The following TMEM74 variants were observed in gnomAD, a reference collection of about 807,000 sequenced individuals.
TMEM74 encodes the protein transmembrane protein 74.
Under a neutral mutation model 18.1 loss-of-function variants are expected in TMEM74, and 13 were observed. The ratio of observed to expected loss-of-function variants is 0.72; its 90% CI spans 0.47 to 1.14. The LOEUF (loss-of-function observed/expected upper bound fraction) is 1.14, where lower values mean the gene tolerates loss of function less well. Ranked by LOEUF, TMEM74 falls within the 50% of genes most tolerant of loss-of-function variation. The pLI is 0.00. For missense variants in TMEM74, 372 were observed against 375.9 expected, an observed-to-expected ratio of 0.99 and a Z score of 0.09; for synonymous variants, 159 against 146.6, an observed-to-expected ratio of 1.08 and a Z score of -0.61.
intron 1 of TMEM74, among the ~76,000 whole-genome samples, chr8:108,682,511 G>T (rs960450829): frequency 1.3e-5 from 2 of 151,710 alleles, no homozygotes; most frequent in South Asian, 2.1e-4. Context: ...CCCTATGATG[G>T]TAGCAACCAT....
chr8:108,705,070 C>T (rs367983339), intron 1 of TMEM74, among the ~76,000 whole-genome samples: 6 of 152,272 alleles, frequency 3.9e-5, no homozygotes, highest in African/African-American at 9.6e-5. Flanking sequence ...ATGATAGCAT[C>T]GAATTTTCTT....
At chr8:108,688,796 G>C (rs1001615802) in intron 1 of TMEM74, among the ~76,000 whole-genome samples, 1 of 152,130 alleles carries the variant, frequency 6.6e-6, no homozygotes, top group Non-Finnish European at 1.5e-5. Context: ...TTTGTGGTTA[G>C]CTTCCCCTAA....
chr8:108,660,234 T>G (rs1812886726), intron 1 of TMEM74, among the ~76,000 whole-genome samples: 2 of 152,162 alleles, frequency 1.3e-5, no homozygotes, highest in Non-Finnish European at 2.9e-5. Flanking sequence ...CTCCTAAATC[T>G]TACCATTCTA....
intron 1 of TMEM74, among the ~76,000 whole-genome samples, chr8:108,748,775 G>C (rs1813876846): frequency 6.6e-6 from 1 of 151,062 alleles, no homozygotes; most frequent in Non-Finnish European, 1.5e-5. Context: ...TTTTGTATAT[G>C]GTATAAGAAA....
intron 2 of TMEM74, among the ~76,000 whole-genome samples, chr8:108,611,593 C>G (rs1812334235): frequency 6.6e-6 from 1 of 152,134 alleles, no homozygotes; most frequent in Non-Finnish European, 1.5e-5. Flanking sequence ...CAAATAAGAG[C>G]TGGTGACAGA....
intron 1 of TMEM74, among the ~76,000 whole-genome samples, chr8:108,732,260 T>C (rs767291047): frequency 1.3e-5 from 2 of 152,162 alleles, no homozygotes; most frequent in Non-Finnish European, 2.9e-5. Flanking sequence ...CCGAAGTAAA[T>C]AGAAAGAAAC....
At chr8:108,773,850 C>T (rs574890992) in intron 1 of TMEM74, among the ~76,000 whole-genome samples, 1 of 152,266 alleles carries the variant, frequency 6.6e-6, no homozygotes, top group South Asian at 2.1e-4. Context: ...TAGCCAACAG[C>T]GTGACTGAAA....
chr8:108,713,451 A>T (rs1813492349), intron 1 of TMEM74, among the ~76,000 whole-genome samples: 1 of 152,236 alleles, frequency 6.6e-6, no homozygotes, highest in South Asian at 2.1e-4. Context: ...AGATGCATTC[A>T]TTCAATACAT....
At chr8:108,672,808 A>G (rs781125547) in intron 1 of TMEM74, among the ~76,000 whole-genome samples, 2 of 152,222 alleles carry the variant, frequency 1.3e-5, no homozygotes, top group Non-Finnish European at 2.9e-5. Flanking sequence ...ATTCACAATG[A>G]TGCTATATCC....
intron 1 of TMEM74, among the ~76,000 whole-genome samples, chr8:108,698,411 G>C (rs1023240354): frequency 6.6e-5 from 10 of 152,144 alleles, no homozygotes; most frequent in South Asian, 2.1e-4. Flanking sequence ...TAAGTTACTT[G>C]AACTCTCTAG....
chr8:108,778,646 A>G (rs1162265301), downstream of TMEM74, among the ~76,000 whole-genome samples: 2 of 152,164 alleles, frequency 1.3e-5, no homozygotes, highest in African/African-American at 4.8e-5. Flanking sequence ...CCTTGACAGC[A>G]CTTATATATA....
intron 1 of TMEM74, among the ~76,000 whole-genome samples, chr8:108,724,267 A>G (rs916349740): frequency 6.6e-6 from 1 of 152,134 alleles, no homozygotes; most frequent in Non-Finnish European, 1.5e-5. Flanking sequence ...CACATATTCT[A>G]TTCCAGTTAC....
intron 1 of TMEM74, among the ~76,000 whole-genome samples, chr8:108,686,117 CA>C (rs1336393680): frequency 6.6e-6 from 1 of 151,832 alleles, no homozygotes; most frequent in Non-Finnish European, 1.5e-5. Context: ...TTCTTTTGAA[CA>C]AAAAAATGCA....
chr8:108,613,516 T>G (rs1236893497), intron 2 of TMEM74, among the ~76,000 whole-genome samples: 2 of 152,274 alleles, frequency 1.3e-5, no homozygotes, highest in African/African-American at 2.4e-5. Flanking sequence ...CTGGGTATTT[T>G]GTGAATCAGA....
At chr8:108,691,957 G>C (rs1039058946) in intron 1 of TMEM74, among the ~76,000 whole-genome samples, 1 of 152,168 alleles carries the variant, frequency 6.6e-6, no homozygotes, top group Non-Finnish European at 1.5e-5. Context: ...AGAAATAAGA[G>C]AGAGGGAGAG....
At chr8:108,637,894 C>T (rs574334068) in intron 2 of TMEM74, among the ~76,000 whole-genome samples, 42 of 152,038 alleles carry the variant, frequency 2.8e-4, no homozygotes, top group African/African-American at 8.9e-4. Flanking sequence ...TCTATTTTAC[C>T]GCTTGTATAT....
chr8:108,653,738 C>T (rs920896481), intron 2 of TMEM74, among the ~76,000 whole-genome samples: 2 of 152,146 alleles, frequency 1.3e-5, no homozygotes, highest in South Asian at 4.1e-4. Context: ...TTCATTTACT[C>T]TGTTGTGCTT....
chr8:108,767,804 G>T (rs1814126602), intron 1 of TMEM74, among the ~76,000 whole-genome samples: 1 of 151,640 alleles, frequency 6.6e-6, no homozygotes, highest in Admixed American at 6.6e-5. Flanking sequence ...TTAAGCTTTG[G>T]TCTAACATCT....
intron 1 of TMEM74, among the ~76,000 whole-genome samples, chr8:108,719,710 G>A (rs778527635): frequency 2.6e-5 from 4 of 152,028 alleles, no homozygotes; most frequent in Non-Finnish European, 1.5e-5. Context: ...AGAGGCTAGT[G>A]GGGGGTGGGG....
Sources: gnomAD v4.1 joint callset for allele counts (sites outside exome capture counted in the v4.1 genomes callset) on GRCh38, gnomAD v4.1.1 for gene constraint, MANE v1.5 for transcripts, NCBI Gene and HGNC (gene_info 2026-07-23, HGNC 2026-07-21) for gene names.